The following CTNND2 variants were observed in gnomAD, a reference collection of about 807,000 sequenced individuals.
CTNND2 encodes the protein catenin delta 2.
A neutral mutation model predicts 144.4 loss-of-function variants in CTNND2; 22 were observed. The observed-to-expected ratio is 0.15, with a 90% CI of 0.11 to 0.22. CTNND2 has a LOEUF of 0.22. Among genes scored for constraint, CTNND2 ranks in the 10% least tolerant of loss-of-function variants. The probability of loss-of-function intolerance (pLI) is 1.00; values close to 1 mark genes in which losing one functional copy is unlikely to be tolerated. For missense variants in CTNND2, 1,353 were observed against 1,618.8 expected, an observed-to-expected ratio of 0.84 and a Z score of 2.82; for synonymous variants, 751 against 695.6, an observed-to-expected ratio of 1.08 and a Z score of -1.25.
chr5:11,568,630 C>T (rs1201451836), intron 2 of CTNND2, among the ~76,000 whole-genome samples: 2 of 152,194 alleles, frequency 1.3e-5, no homozygotes, highest in Non-Finnish European at 2.9e-5. Flanking sequence ...TTTTTGTGGC[C>T]CAAAGGCATC....
At chr5:11,419,020 GTCTA>G (rs568634036) in intron 3 of CTNND2, among the ~76,000 whole-genome samples, 355 of 129,060 alleles carry the variant, frequency 2.8e-3, no homozygotes, top group Admixed American at 4.2e-3. Flanking sequence ...CTATATAGAT[GTCTA>G]TCTATATATA....
At chr5:11,172,576 G>T (rs1050506951) in intron 11 of CTNND2, among the ~76,000 whole-genome samples, 2 of 152,176 alleles carry the variant, frequency 1.3e-5, no homozygotes, top group Non-Finnish European at 2.9e-5. Flanking sequence ...GACAATGATA[G>T]GAAAATGAAA....
intron 5 of CTNND2, among the ~76,000 whole-genome samples, chr5:11,410,440 A>C (rs919327518): frequency 6.6e-6 from 1 of 152,170 alleles, no homozygotes. Context: ...GACGAAGCTT[A>C]GTGGGTATTG....
chr5:11,607,338 C>T (rs1305299290), intron 2 of CTNND2, among the ~76,000 whole-genome samples: 2 of 151,910 alleles, frequency 1.3e-5, no homozygotes, highest in Non-Finnish European at 2.9e-5. Flanking sequence ...CTAAGACAGG[C>T]GTACAGATAT....
rs114022243 is a variant in CTNND2 at position 11,034,611 on chromosome 5, T to A, written c.2789-11632A>T. ...GTTGGAGGAAGGACATTGTGAGGAGTCACAGGCAGCTTTCTGGAATCTCAG... is the reference window on the plus strand; with the variant it reads ...GTTGGAGGAAGGACATTGTGAGGAGACACAGGCAGCTTTCTGGAATCTCAG... On this transcript the variant is annotated intron_variant, in intron 16 of 21. Coordinates refer to ENST00000304623, the MANE Select transcript of CTNND2 (RefSeq NM_001332.4). Among the ~76,000 whole-genome samples the A allele has an allele frequency of 4.5e-3, 678 of 152,160 alleles. 4 individuals are homozygous for A. Among genetic ancestry groups the A allele is most frequent in the Non-Finnish European group, 6.1e-3 (415 of 67,972 alleles).
At chr5:11,054,094 G>T (rs575467945) in intron 16 of CTNND2, among the ~76,000 whole-genome samples, 3 of 152,152 alleles carry the variant, frequency 2.0e-5, no homozygotes, top group African/African-American at 7.2e-5. Context: ...CAGAACAGAG[G>T]TGCTGAAAAA....
At chr5:11,089,995 C>T (rs56019830) in intron 15 of CTNND2, among the ~76,000 whole-genome samples, 20,025 of 152,002 alleles carry the variant, frequency 0.13, 1,501 homozygotes, top group African/African-American at 0.21. Flanking sequence ...GGTGACAGAA[C>T]GAAACTCTGT....
At position 11,397,186 on chromosome 5, in the gene CTNND2, G is replaced by T. The variant is rs771383393; in HGVS notation, c.457C>A (p.Gln153Lys). The T allele has an allele frequency of 2.5e-6, 4 of 1,614,090 alleles. No individual in the cohort carries two copies. The highest frequency in any genetic ancestry group is 2.2e-5 in the South Asian group (2 of 91,070). ...TTGGAATTGAGCTGAAGTGCACTCT[G>T]GGAGAGCAGGCTGGGCCCTGCATTG... ...STGERPSLLSQSALQLNSKPE... is the reference protein window; with the variant it reads ...STGERPSLLSKSALQLNSKPE... The change falls in exon 6 of 22, where the codon CAG becomes AAG. Residue 153 changes from glutamine to lysine, a missense_variant. By Grantham distance (53) the Gln-to-Lys change is moderately conservative. Around this residue, in one of 4 missense-constraint regions of CTNND2, gnomAD observed 708 missense variants for 706.4 expected, o/e 1.00. Transcript: ENST00000304623.
At chr5:11,804,934 G>A (rs1476607807) in intron 1 of CTNND2, among the ~76,000 whole-genome samples, 1 of 152,192 alleles carries the variant, frequency 6.6e-6, no homozygotes. Context: ...TGAAGAAGGT[G>A]AGAAAAGAAA....
At chr5:11,221,662 C>G (rs1237139428) in intron 10 of CTNND2, among the ~76,000 whole-genome samples, 2 of 152,172 alleles carry the variant, frequency 1.3e-5, no homozygotes, top group Non-Finnish European at 2.9e-5. Context: ...AGTATTTTCA[C>G]AAAATGTTCT....
intron 7 of CTNND2, among the ~76,000 whole-genome samples, chr5:11,366,506 T>A (rs756844793): frequency 1.4e-4 from 21 of 152,156 alleles, no homozygotes; most frequent in Non-Finnish European, 2.6e-4. Context: ...GTAACTGTTT[T>A]GCATAATTAG....
At chr5:11,782,903 G>A (rs1218660930) in intron 1 of CTNND2, among the ~76,000 whole-genome samples, 3 of 152,208 alleles carry the variant, frequency 2.0e-5, no homozygotes, top group Non-Finnish European at 2.9e-5. Context: ...TTAGAGCCAA[G>A]TAAGAGACTC....
At chr5:11,412,221 T>G (rs1383620919) in intron 3 of CTNND2, 152 bp from the exon 4 acceptor site, 1 of 620,030 alleles carries the variant, frequency 1.6e-6, no homozygotes, top group African/African-American at 1.8e-5. Context: ...TCCACTTTGA[T>G]ATAATTTTAA....
At chr5:11,487,319 T>C (rs1768925003) in intron 3 of CTNND2, among the ~76,000 whole-genome samples, 1 of 152,242 alleles carries the variant, frequency 6.6e-6, no homozygotes, top group Non-Finnish European at 1.5e-5. Context: ...AAAGTGGTTA[T>C]TTAAACAATG....
At chr5:11,098,426 C>T (rs1428668646) in intron 15 of CTNND2, 149 bp downstream of exon 15, 1 of 677,244 alleles carries the variant, frequency 1.5e-6, no homozygotes, top group Non-Finnish European at 2.4e-6. Flanking sequence ...GAATACATTT[C>T]CAAGTAAAAC....
rs560107671 is a variant in CTNND2 at position 11,554,135 on chromosome 5, T to C, written c.287+10809A>G. ...TTTATAGACAAGAATATTAGTATAATTTGTCAATTGGCAATTTGCAAGAAT... is the reference window on the plus strand; with the variant it reads ...TTTATAGACAAGAATATTAGTATAACTTGTCAATTGGCAATTTGCAAGAAT... On this transcript the variant is annotated intron_variant, in intron 3 of 21. Coordinates refer to ENST00000304623, the MANE Select transcript of CTNND2 (RefSeq NM_001332.4). 3.3e-5 allele frequency among the ~76,000 whole-genome samples: 5 copies of C among 152,316 alleles called. No homozygotes were observed. In the East Asian group the frequency reaches 9.6e-4, roughly 29 times the overall value.
intron 11 of CTNND2, among the ~76,000 whole-genome samples, chr5:11,182,881 T>A (rs145963199): frequency 6.6e-6 from 1 of 152,184 alleles, no homozygotes; most frequent in East Asian, 1.9e-4. Flanking sequence ...GAAAGCTACC[T>A]AGAGATGGTG....
chr5:11,763,864 C>T (rs180952408), intron 1 of CTNND2, among the ~76,000 whole-genome samples: 1 of 152,138 alleles, frequency 6.6e-6, no homozygotes, highest in Non-Finnish European at 1.5e-5. Flanking sequence ...CCTGACATTG[C>T]ATGAAATTTT....
intron 12 of CTNND2, among the ~76,000 whole-genome samples, chr5:11,126,552 T>C (rs1754696763): frequency 6.6e-6 from 1 of 152,174 alleles, no homozygotes; most frequent in South Asian, 2.1e-4. Context: ...TGGGATAAAC[T>C]GATGAGAGTA....
Sources: gnomAD v4.1 joint callset for allele counts (sites outside exome capture counted in the v4.1 genomes callset) on GRCh38, gnomAD v4.1.1 for gene constraint, gnomAD v4.1.1 regional missense constraint, MANE v1.5 for transcripts, NCBI Gene and HGNC (gene_info 2026-07-23, HGNC 2026-07-21) for gene names.